The following DPEP2 variants were observed in gnomAD, a reference collection of about 807,000 sequenced individuals.
DPEP2 encodes dipeptidase 2.
A neutral mutation model predicts 51.8 loss-of-function variants in DPEP2; 45 were observed. That is an observed-to-expected ratio of 0.87 (90% CI 0.68 to 1.11). The LOEUF is 1.11. DPEP2 is among the 50% of genes most tolerant of loss of function. The pLI is 0.00. For missense variants in DPEP2, 604 were observed against 631.9 expected, an observed-to-expected ratio of 0.96 and a Z score of 0.47; for synonymous variants, 255 against 262.7, an observed-to-expected ratio of 0.97 and a Z score of 0.28.
chr16:67,995,831 G>A lies in DPEP2; in HGVS notation c.-45-2574C>T, dbSNP rs978106981. Among the ~76,000 whole-genome samples the A allele has an allele frequency of 1.3e-4, 19 of 151,946 alleles. 1 individual carries two copies. Among genetic ancestry groups the A allele is most frequent in the African/African-American group, 3.9e-4 (16 of 41,322 alleles). Reference sequence around the variant, plus strand: ...ATACAAACATTAGCCGGGCTTGGTGGTGCGCGCCTGTAGTCCCAAATACCT... The same window carrying A: ...ATACAAACATTAGCCGGGCTTGGTGATGCGCGCCTGTAGTCCCAAATACCT... On this transcript the variant is annotated intron_variant, in intron 1 of 10. Coordinates refer to ENST00000393847, the MANE Select transcript of DPEP2 (RefSeq NM_022355.4).
chr16:67,990,153 C>T, intron 7 of DPEP2, 22 bp from the exon 8 acceptor site: 1 of 1,612,982 alleles, frequency 6.2e-7, no homozygotes, highest in Non-Finnish European at 8.5e-7. Flanking sequence ...GGCAAGTGGA[C>T]ACTTAGCCTG....
chr16:68,000,385 T>A (rs1487280469), upstream of DPEP2: 1 of 964,948 alleles, frequency 1.0e-6, no homozygotes, highest in Non-Finnish European at 1.2e-6. Context: ...TCAGGCTGAG[T>A]TATAGCTGCA....
intron 10 of DPEP2, 34 bp downstream of exon 10, chr16:67,987,818 C>A: frequency 1.9e-6 from 3 of 1,614,070 alleles, no homozygotes; most frequent in Non-Finnish European, 2.5e-6. Flanking sequence ...CTTGCTCAGA[C>A]CCCTCGGCTA....
Position 67,991,292 on chromosome 16 carries a change from GA to G in DPEP2, c.663-109del. On this transcript the variant is annotated intron_variant, in intron 5 of 10. Coordinates refer to ENST00000393847, the MANE Select transcript of DPEP2 (RefSeq NM_022355.4). This position sits in a 1 kb window ranked among gnomAD's most constrained non-coding sequence, Gnocchi z 5.1. Reference sequence around the variant, plus strand: ...TGCACCCCCCTGAAACAAAAACAGGGATCCAAAATGGGCCCTGCAAATGGGC... The same window carrying G: ...TGCACCCCCCTGAAACAAAAACAGGGTCCAAAATGGGCCCTGCAAATGGGC... 8 of 1,119,972 alleles carry G rather than the reference GA, an allele frequency of 7.1e-6. No homozygotes were observed. In the South Asian group the frequency reaches 1.1e-4, roughly 15 times the overall value. 69.4% of individuals were successfully genotyped at this position (1,119,972 alleles called of 1,614,324 possible). A position where few individuals can be genotyped will look rare whatever the true frequency, so the allele number is the denominator to read the frequency against.
chr16:67,998,108 T>C (rs1420220159), intron 1 of DPEP2, among the ~76,000 whole-genome samples: 1 of 152,190 alleles, frequency 6.6e-6, no homozygotes, highest in African/African-American at 2.4e-5. Flanking sequence ...GGCTCCCACT[T>C]TGGCGGCACT....
In DPEP2 at chr16:67,991,725, A is replaced by G. The variant is rs2032178855; in HGVS notation, c.662+113T>C. Reference sequence around the variant, plus strand: ...AACCAGAATCCCAGCTCCCCTCCCCACTCCAGAGTCAGTGCCACATCCCAT... The same window carrying G: ...AACCAGAATCCCAGCTCCCCTCCCCGCTCCAGAGTCAGTGCCACATCCCAT... On this transcript the variant is annotated intron_variant, in intron 5 of 10. Transcript: ENST00000393847. The surrounding 1 kb of genome is among the most constrained non-coding windows in gnomAD (Gnocchi z 5.1). 2 of 1,444,686 alleles carry G rather than the reference A, an allele frequency of 1.4e-6. No individual in the cohort carries two copies. The highest frequency in any genetic ancestry group is 1.4e-5 in the African/African-American group (1 of 70,606). 89.5% of individuals were successfully genotyped at this position (1,444,686 alleles called of 1,614,324 possible).
chr16:67,999,799 T>C (rs2032922393), upstream of DPEP2: 1 of 152,018 alleles, frequency 6.6e-6, no homozygotes, highest in Non-Finnish European at 1.5e-5. Flanking sequence ...TCCAGGTACT[T>C]ACGAGGCTGA....
At chr16:68,000,372 A>C, upstream of DPEP2, 1 of 927,074 alleles carries the variant, frequency 1.1e-6, no homozygotes, top group Non-Finnish European at 1.3e-6. Context: ...GGGAAGGAAA[A>C]AGTCAGGCTG....
At chr16:67,999,621 T>A (rs911132055), upstream of DPEP2, 25 of 453,072 alleles carry the variant, frequency 5.5e-5, no homozygotes, top group Non-Finnish European at 6.7e-5. Flanking sequence ...CCTGGCCTGT[T>A]CCTCTTTTAA....
At chr16:67,989,276 C>G (rs765705122) in intron 9 of DPEP2, 47 bp downstream of exon 9, 2 of 1,604,934 alleles carry the variant, frequency 1.2e-6, no homozygotes, top group Non-Finnish European at 1.7e-6. Context: ...GTGAAGGCCC[C>G]ACTGCTGTAC....
intron 1 of DPEP2, among the ~76,000 whole-genome samples, chr16:67,995,346 C>T (rs2032630450): frequency 6.6e-6 from 1 of 152,150 alleles, no homozygotes; most frequent in Non-Finnish European, 1.5e-5. Context: ...TGTGCCCAGC[C>T]CTGCTGGAGG....
chr16:67,988,605 A>G (rs1298056144), intron 9 of DPEP2, among the ~76,000 whole-genome samples: 5 of 149,972 alleles, frequency 3.3e-5, no homozygotes, highest in South Asian at 2.1e-4. Context: ...TCTGTCTCAA[A>G]AAAAAAAAAA....
At chr16:67,996,889 C>T (rs983703125) in intron 1 of DPEP2, among the ~76,000 whole-genome samples, 6 of 151,688 alleles carry the variant, frequency 4.0e-5, no homozygotes, top group Admixed American at 6.6e-5. Flanking sequence ...CCATACAAAG[C>T]GAATCACAGA....
Position 67,987,866 on chromosome 16 carries a change from T to G in DPEP2, c.1192A>C (p.Arg398=). 1 of 1,614,198 alleles carries G rather than the reference T, an allele frequency of 6.2e-7. No homozygotes were observed. The highest frequency in any genetic ancestry group is 8.5e-7 in the Non-Finnish European group (1 of 1,180,030). ...GCCCAGAGTACCTTTTCCACTTGTC[T>G]GAAGACCCGCAGCAGGTTTCCACGA... ...VLRGNLLRVF[R]QVEKVQEENK... is the part of the protein sequence containing the mutation. Residue 398 remains arginine, a synonymous_variant, in exon 10 of 11, where the codon AGA becomes CGA. Transcript: ENST00000393847.
At chr16:67,995,944 A>T (rs2032665383) in intron 1 of DPEP2, among the ~76,000 whole-genome samples, 1 of 152,104 alleles carries the variant, frequency 6.6e-6, no homozygotes, top group South Asian at 2.1e-4. Flanking sequence ...AGCCTGGATG[A>T]CAGAGCGAGA....
At chr16:67,989,230 G>T in intron 9 of DPEP2, 93 bp downstream of exon 9, 1 of 1,355,528 alleles carries the variant, frequency 7.4e-7, no homozygotes, top group Non-Finnish European at 1.0e-6. Context: ...CCGGGAGTGT[G>T]GTCAAGGCCT....
At chr16:67,989,419 C>A in intron 8 of DPEP2, 21 bp from the exon 9 acceptor site, 1 of 1,613,932 alleles carries the variant, frequency 6.2e-7, no homozygotes, top group Non-Finnish European at 8.5e-7. Flanking sequence ...GGAAGGTGGA[C>A]AGTCAGCTGC....
At chr16:67,993,787 G>A in intron 1 of DPEP2, 1 of 985,740 alleles carries the variant, frequency 1.0e-6, no homozygotes, top group South Asian at 4.7e-5. Flanking sequence ...TGGGGGAGAA[G>A]ATAGGCTCTG....
intron 9 of DPEP2, among the ~76,000 whole-genome samples, chr16:67,988,319 C>T (rs1015702542): frequency 4.6e-5 from 7 of 151,164 alleles, no homozygotes; most frequent in South Asian, 2.1e-4. Flanking sequence ...CCAAGGTGGG[C>T]GGATCACTTG....
Sources: allele counts gnomAD v4.1 joint callset (sites outside exome capture counted in the v4.1 genomes callset), GRCh38; gene constraint gnomAD v4.1.1; non-coding constraint Gnocchi (gnomAD v3.1); transcripts MANE v1.5; gene names NCBI Gene and HGNC (gene_info 2026-07-23, HGNC 2026-07-21).